The following CDH22 variants were observed in gnomAD, a reference collection of about 807,000 sequenced individuals.
CDH22 encodes the protein cadherin-22.
CDH22 carries 30 observed loss-of-function variants against 58.4 expected under a neutral mutation model. The observed-to-expected ratio is 0.51, with a 90% CI of 0.38 to 0.70. CDH22 has a LOEUF of 0.70. Ranked by LOEUF, CDH22 falls within the 30% of genes least tolerant of loss-of-function variation. The pLI is 0.00. For synonymous variants in CDH22, 513 were observed against 558.2 expected (o/e 0.92, Z 1.14); for missense variants, 1,014 against 1,233.9 (o/e 0.82, Z 2.67).
intron 1 of CDH22, among the ~76,000 whole-genome samples, chr20:46,271,805 G>A (rs2086491154): frequency 6.6e-6 from 1 of 152,008 alleles, no homozygotes; most frequent in African/African-American, 2.4e-5. Context: ...TCTTTCCCTG[G>A]GCAATCTCAT....
At chr20:46,224,756 C>T (rs1018262651) in intron 4 of CDH22, among the ~76,000 whole-genome samples, 1 of 152,152 alleles carries the variant, frequency 6.6e-6, no homozygotes, top group Non-Finnish European at 1.5e-5. Context: ...TTCGTGTTGG[C>T]CCCCAAGGTT....
At chr20:46,305,840 G>A (rs1363176135) in intron 1 of CDH22, among the ~76,000 whole-genome samples, 2 of 152,366 alleles carry the variant, frequency 1.3e-5, no homozygotes, top group East Asian at 1.9e-4. Context: ...GCTATGGCCC[G>A]GCCCCCTGTC....
chr20:46,230,176 C>CCCA (rs2086210198), intron 3 of CDH22, among the ~76,000 whole-genome samples: 1 of 152,060 alleles, frequency 6.6e-6, no homozygotes, highest in African/African-American at 2.4e-5. Flanking sequence ...ACTGTGGGAC[C>CCCA]ACCTTGGGGT....
chr20:46,251,029 C>T lies in CDH22; in HGVS notation c.255+11G>A. The stretch of plus-strand genomic sequence containing the variant: ...CCTGGGATCTGGAGTTGGAGTGGGG[C>T]CCCACTTTACCTTGCCCACATACAG... On this transcript the variant is annotated intron_variant, in intron 2 of 11. Transcript: ENST00000537909. The surrounding 1 kb of genome is among the most constrained non-coding windows in gnomAD (Gnocchi z 6.7). 1.3e-6 allele frequency: 2 copies of T among 1,583,280 alleles called. No homozygotes were observed. The highest frequency in any genetic ancestry group is 1.7e-6 in the Non-Finnish European group (2 of 1,153,852).
At chr20:46,242,680 G>A (rs2086300534) in intron 2 of CDH22, among the ~76,000 whole-genome samples, 1 of 152,150 alleles carries the variant, frequency 6.6e-6, no homozygotes. Flanking sequence ...AGAGAGTTGG[G>A]GCGAGGGAGA....
At chr20:46,296,804 T>C (rs139067371) in intron 1 of CDH22, among the ~76,000 whole-genome samples, 1 of 152,274 alleles carries the variant, frequency 6.6e-6, no homozygotes, top group Non-Finnish European at 1.5e-5. Flanking sequence ...AGCAGAGCAA[T>C]TTCCCAAAGC....
intron 2 of CDH22, among the ~76,000 whole-genome samples, chr20:46,250,204 T>TTTCATTCA (rs3091437): frequency 7.0e-4 from 106 of 151,934 alleles, no homozygotes; most frequent in Middle Eastern, 3.4e-3. Flanking sequence ...GAGAAAGTAG[T>TTTCATTCA]TTCATTCATT....
intron 8 of CDH22, among the ~76,000 whole-genome samples, chr20:46,198,599 G>C (rs946356128): frequency 1.3e-5 from 2 of 152,142 alleles, no homozygotes; most frequent in Non-Finnish European, 2.9e-5. Flanking sequence ...CAATGCAGCT[G>C]CCAGAGGTAC....
At chr20:46,211,979 T>C (rs2086046317) in intron 6 of CDH22, among the ~76,000 whole-genome samples, 1 of 151,956 alleles carries the variant, frequency 6.6e-6, no homozygotes, top group Admixed American at 6.6e-5. Context: ...ACGCAGAAAG[T>C]AGTTGAAGGG....
At position 46,199,438 on chromosome 20, in the gene CDH22, G is replaced by T. The variant is rs769671480; in HGVS notation, c.1408C>A (p.Leu470Met). 3.1e-6 allele frequency: 5 copies of T among 1,612,086 alleles called. No homozygotes were observed. The highest frequency in any genetic ancestry group is 1.7e-4 in the Middle Eastern group (1 of 6,058). The part of the protein sequence containing the change: ...ETAGWHNITV[L>M]AMEADNHAQL... Reference sequence around the variant, plus strand: ...CCCAGCTCACCCGCCTCCATGGCCAGCACTGTGATGTTGTGCCAGCCGGCC... The same window carrying T: ...CCCAGCTCACCCGCCTCCATGGCCATCACTGTGATGTTGTGCCAGCCGGCC... Residue 470 changes from leucine to methionine, a missense_variant, in exon 8 of 12, where the codon CTG becomes ATG. Around this residue, in one of 2 missense-constraint regions of CDH22, gnomAD observed 806 missense variants for 1,038.7 expected, o/e 0.78. Transcript: ENST00000537909.
intron 1 of CDH22, among the ~76,000 whole-genome samples, chr20:46,301,448 G>A (rs1020337339): frequency 6.6e-6 from 1 of 151,712 alleles, no homozygotes; most frequent in African/African-American, 2.4e-5. Context: ...CTAATCAGTA[G>A]GTTGTCATGT....
At position 46,216,432 on chromosome 20, in the gene CDH22, T is replaced by A. The variant is rs1241804866; in HGVS notation, c.838+394A>T. Among the ~76,000 whole-genome samples, 6 of 152,186 alleles carry A rather than the reference T, an allele frequency of 3.9e-5. No homozygotes were observed. Among genetic ancestry groups the A allele is most frequent in the Non-Finnish European group, 5.9e-5 (4 of 68,016 alleles). ...GGGTGCCCCCTTTCTCCCCAGTACC[T>A]TCCCTCTGCAAGCCTAGGTCAGCGG... is the stretch of plus-strand genomic sequence containing the variant. On this transcript the variant is annotated intron_variant, in intron 5 of 11. Coordinates refer to ENST00000537909, the MANE Select transcript of CDH22 (RefSeq NM_021248.3). This position sits in a 1 kb window ranked among gnomAD's most constrained non-coding sequence, Gnocchi z 5.3.
chr20:46,266,572 T>G (rs1055195136), intron 1 of CDH22, among the ~76,000 whole-genome samples: 1 of 152,224 alleles, frequency 6.6e-6, no homozygotes, highest in African/African-American at 2.4e-5. Context: ...GCTTTGATGA[T>G]GCACATATTC....
intron 2 of CDH22, among the ~76,000 whole-genome samples, chr20:46,242,585 C>T (rs1327294368): frequency 2.0e-5 from 3 of 152,178 alleles, no homozygotes; most frequent in Non-Finnish European, 4.4e-5. Flanking sequence ...GGGGCACTGC[C>T]CAGGCAGTGG....
chr20:46,200,370 G>A (rs1704826320), intron 7 of CDH22, among the ~76,000 whole-genome samples: 1 of 149,560 alleles, frequency 6.7e-6, no homozygotes. Context: ...CATCTCCTGG[G>A]CTCAAGCCAT....
In CDH22 at chr20:46,241,379, T is replaced by C; in HGVS notation, c.256-122A>G. On this transcript the variant is annotated intron_variant, in intron 2 of 11. Transcript: ENST00000537909. The surrounding 1 kb of genome is among the most constrained non-coding windows in gnomAD (Gnocchi z 5.2). ...CTCTTCTCCAGCACATACACATCTT[T>C]AGTGAGGACACTGAGGCCCAGCAGC... is the stretch of plus-strand genomic sequence containing the variant. 3 of 840,012 alleles carry C rather than the reference T, an allele frequency of 3.6e-6. No individual in the cohort carries two copies. Among genetic ancestry groups the C allele is most frequent in the Non-Finnish European group, 5.4e-6 (3 of 552,274 alleles). 52.0% of individuals were successfully genotyped at this position (840,012 alleles called of 1,614,324 possible).
chr20:46,253,809 G>A (rs1431718208), intron 1 of CDH22, among the ~76,000 whole-genome samples: 2 of 152,204 alleles, frequency 1.3e-5, no homozygotes, highest in Non-Finnish European at 2.9e-5. Flanking sequence ...CAGAGGAGGG[G>A]AGAGGCTGAA....
intron 8 of CDH22, among the ~76,000 whole-genome samples, chr20:46,193,622 C>T (rs1055437016): frequency 4.6e-5 from 7 of 152,128 alleles, no homozygotes; most frequent in African/African-American, 1.7e-4. Flanking sequence ...CCTTTCTGTA[C>T]AGGCCCAGTG....
chr20:46,219,354 G>C (rs963712851), intron 4 of CDH22, among the ~76,000 whole-genome samples: 1 of 152,174 alleles, frequency 6.6e-6, no homozygotes, highest in Non-Finnish European at 1.5e-5. Context: ...ATGTGATTTT[G>C]AGCTAATCCC....
Sources: gnomAD v4.1 joint callset for allele counts (sites outside exome capture counted in the v4.1 genomes callset) on GRCh38, gnomAD v4.1.1 for gene constraint, gnomAD v4.1.1 regional missense constraint, Gnocchi (gnomAD v3.1) non-coding constraint, MANE v1.5 for transcripts, NCBI Gene and HGNC (gene_info 2026-07-23, HGNC 2026-07-21) for gene names.